Variants in NMU observed in about 807,000 individuals in gnomAD.
NMU encodes neuromedin-U.
NMU carries 29 observed loss-of-function variants against 35.4 expected under a neutral mutation model. The observed-to-expected ratio is 0.82, with a 90% confidence interval of 0.61 to 1.12. The LOEUF (loss-of-function observed/expected upper bound fraction) is 1.12. NMU is among the 50% of genes most tolerant of loss of function. NMU has a pLI of 0.00. For synonymous variants in NMU, 78 were observed against 81.3 expected, an observed-to-expected ratio of 0.96 and a Z score of 0.22; for missense variants, 199 against 206.2, an observed-to-expected ratio of 0.97 and a Z score of 0.21.
intron 3 of NMU, among the ~76,000 whole-genome samples, chr4:55,612,943 TACATATAC>T (rs1361267246): frequency 1.9e-4 from 28 of 146,736 alleles, no homozygotes; most frequent in Non-Finnish European, 3.5e-4. Context: ...AATTTGGTGG[TACATATAC>T]ACCACCGAAT....
intron 3 of NMU, among the ~76,000 whole-genome samples, chr4:55,611,835 C>T (rs567429230): frequency 6.6e-6 from 1 of 152,282 alleles, no homozygotes; most frequent in African/African-American, 2.4e-5. Flanking sequence ...ACATATTTCT[C>T]AGAATGTATA....
At chr4:55,633,358 C>CTAATATCCTA (rs1446735821) in intron 1 of NMU, among the ~76,000 whole-genome samples, 10 of 151,374 alleles carry the variant, frequency 6.6e-5, no homozygotes, top group Non-Finnish European at 1.0e-4. Flanking sequence ...AAGAAAGCGA[C>CTAATATCCTA]TAATATCCTA....
chr4:55,598,667 T>G (rs1407345958), intron 9 of NMU, among the ~76,000 whole-genome samples: 1 of 152,226 alleles, frequency 6.6e-6, no homozygotes, highest in East Asian at 1.9e-4. Context: ...TAAAATATTC[T>G]CTAGAAACTG....
At chr4:55,602,133 C>A (rs1403528539) in intron 7 of NMU, among the ~76,000 whole-genome samples, 1 of 152,060 alleles carries the variant, frequency 6.6e-6, no homozygotes, top group African/African-American at 2.4e-5. Context: ...ACATACAGAT[C>A]TTTTTAGAGT....
At chr4:55,631,712 G>A (rs558232655) in intron 1 of NMU, among the ~76,000 whole-genome samples, 15 of 152,344 alleles carry the variant, frequency 9.8e-5, no homozygotes, top group South Asian at 2.1e-4. Context: ...TACACTACTG[G>A]TGGGAATGTA....
chr4:55,608,893 T>C (rs1733813691), intron 4 of NMU, among the ~76,000 whole-genome samples: 1 of 152,160 alleles, frequency 6.6e-6, no homozygotes, highest in South Asian at 2.1e-4. Flanking sequence ...CATTTTATAT[T>C]TGATGGGGTG....
intron 4 of NMU, among the ~76,000 whole-genome samples, 188 bp downstream of exon 4, chr4:55,608,932 G>C (rs73236159): frequency 0.051 from 7,824 of 152,194 alleles, 239 homozygotes; most frequent in Non-Finnish European, 0.076. Flanking sequence ...ATTACTGTAA[G>C]CTCCATTAAT....
chr4:55,596,973 C>T (rs965105152), intron 9 of NMU, among the ~76,000 whole-genome samples: 2 of 152,066 alleles, frequency 1.3e-5, no homozygotes, highest in African/African-American at 4.8e-5. Flanking sequence ...TGAAATTTTA[C>T]CAAAAGCATC....
chr4:55,636,403 C>G (rs1715936590), upstream of NMU: 1 of 646,394 alleles, frequency 1.5e-6, no homozygotes, highest in Non-Finnish European at 2.3e-6. This position sits in a 1 kb window ranked among gnomAD's most constrained non-coding sequence, Gnocchi z 4.0. Context: ...CGGCCTACCT[C>G]GCCTCACCCC....
chr4:55,630,572 AC>A, intron 1 of NMU, 112 bp from the exon 2 acceptor site: 1 of 786,382 alleles, frequency 1.3e-6, no homozygotes, highest in Non-Finnish European at 2.2e-6. Flanking sequence ...GTACATCATC[AC>A]CCACCTATTT....
chr4:55,596,753 T>C (rs1733197445), intron 9 of NMU, among the ~76,000 whole-genome samples: 1 of 152,164 alleles, frequency 6.6e-6, no homozygotes, highest in Admixed American at 6.5e-5. Flanking sequence ...GAATCTTTTA[T>C]TTCTTTCTTT....
chr4:55,605,232 C>G, intron 7 of NMU, 43 bp downstream of exon 7: 1 of 1,325,290 alleles, frequency 7.5e-7, no homozygotes, highest in South Asian at 1.2e-5. Context: ...AAGGGCTGCC[C>G]CACACGGAAT....
In NMU at chr4:55,636,069, G is replaced by A. The variant is rs1480341856; in HGVS notation, c.112+12C>T. On this transcript the variant is annotated intron_variant, in intron 1 of 9. Transcript: ENST00000264218. The surrounding 1 kb of genome is among the most constrained non-coding windows in gnomAD (Gnocchi z 4.0). ...CATGGCGTGGAAGCGGCCGGGTGCG[G>A]GGCCGTCTTACCTCGGCAGGCGCCC... 13 of 1,531,114 alleles carry A rather than the reference G, an allele frequency of 8.5e-6. No individual in the cohort carries two copies. In the East Asian group the frequency reaches 3.2e-4, roughly 38 times the overall value. 94.8% of individuals were successfully genotyped at this position (1,531,114 alleles called of 1,614,324 possible).
intron 2 of NMU, 57 bp from the exon 3 acceptor site, chr4:55,616,442 G>A (rs1734112382): frequency 7.5e-7 from 1 of 1,333,482 alleles, no homozygotes; most frequent in Non-Finnish European, 1.1e-6. Flanking sequence ...ATAACAGAAA[G>A]TAGATTTTAC....
In NMU at chr4:55,636,196, G is replaced by A; in HGVS notation, c.-4C>T. 6.7e-7 allele frequency: 1 copy of A among 1,483,924 alleles called. No individual in the cohort carries two copies. The allele number at this position is 1,483,924 out of a possible 1,614,324, so 91.9% of individuals were successfully genotyped here. Reference sequence around the variant, plus strand: ...GGCAGCTCTCTGTTCGCAGCATCTCGGCGGCTGCGGGAGGCTCGGTGCTAG... The same window carrying A: ...GGCAGCTCTCTGTTCGCAGCATCTCAGCGGCTGCGGGAGGCTCGGTGCTAG... On this transcript the variant is annotated 5_prime_UTR_variant, in exon 1 of 10. Transcript: ENST00000264218. The surrounding 1 kb of genome is among the most constrained non-coding windows in gnomAD (Gnocchi z 4.0).
At chr4:55,625,513 T>G (rs1734490361) in intron 2 of NMU, among the ~76,000 whole-genome samples, 1 of 152,204 alleles carries the variant, frequency 6.6e-6, no homozygotes, top group South Asian at 2.1e-4. Flanking sequence ...GAACACTGTT[T>G]TATACTTGGC....
At chr4:55,607,504 G>A in intron 4 of NMU, 38 bp from the exon 5 acceptor site, 1 of 748,892 alleles carries the variant, frequency 1.3e-6, no homozygotes, top group Non-Finnish European at 2.2e-6. Context: ...ATTATATATT[G>A]TAAAATTTTA....
intron 3 of NMU, among the ~76,000 whole-genome samples, chr4:55,609,905 T>C (rs1194088096): frequency 6.6e-6 from 1 of 152,134 alleles, no homozygotes; most frequent in Non-Finnish European, 1.5e-5. Context: ...AATGAAGAAC[T>C]AGAACAGTAG....
At chr4:55,617,576 A>C (rs1364251479) in intron 2 of NMU, among the ~76,000 whole-genome samples, 1 of 152,122 alleles carries the variant, frequency 6.6e-6, no homozygotes, top group Non-Finnish European at 1.5e-5. Flanking sequence ...ATTGCCCAGA[A>C]TAAGTGTTCA....
Sources: gnomAD v4.1 joint callset for allele counts (sites outside exome capture counted in the v4.1 genomes callset) on GRCh38, gnomAD v4.1.1 for gene constraint, Gnocchi (gnomAD v3.1) non-coding constraint, MANE v1.5 for transcripts, NCBI Gene and HGNC (gene_info 2026-07-23, HGNC 2026-07-21) for gene names.